FCRL5: variants seen among roughly 807,000 people sequenced by gnomAD.
FCRL5 encodes the protein Fc receptor like 5.
In FCRL5, 79 loss-of-function variants were observed where a neutral mutation model predicts 92.1. The observed-to-expected ratio is 0.86, with a 90% CI of 0.72 to 1.03. FCRL5 has a LOEUF of 1.03. Among genes scored for constraint, FCRL5 ranks in the 50% least tolerant of loss-of-function variants. FCRL5 has a pLI of 0.00. For missense variants in FCRL5, 1,160 were observed against 1,181.1 expected (o/e 0.98, Z 0.26); for synonymous variants, 466 against 469.3 (o/e 0.99, Z 0.09).
At position 157,521,271 on chromosome 1, in the gene FCRL5, A is replaced by G; in HGVS notation, c.2261T>C (p.Leu754Pro). The G allele has an allele frequency of 1.2e-6, 2 of 1,612,688 alleles. No homozygotes were observed. The highest frequency in any genetic ancestry group is 8.5e-7 in the Non-Finnish European group (1 of 1,179,506). ...KVAVPVSRPV[L>P]TLRAPGTHAA... ...ATGGGTCCCGGGAGCCCTGAGGGTG[A>G]GGACCGGGCGAGACACCGGAACTGA... The change falls in exon 11 of 17, where the codon CTC becomes CCC. Residue 754 changes from leucine (L) to proline (P), a missense_variant. Leu to Pro is a moderately conservative substitution (Grantham distance 98). Coordinates refer to ENST00000361835, the MANE Select transcript of FCRL5 (RefSeq NM_031281.3).
At chr1:157,551,817 C>T (rs767978375) in intron 1 of FCRL5, among the ~76,000 whole-genome samples, 23 of 152,248 alleles carry the variant, frequency 1.5e-4, no homozygotes, top group Non-Finnish European at 2.5e-4. Context: ...TGTCCACCTA[C>T]GCCTCTGCGA....
At position 157,516,234 on chromosome 1, in the gene FCRL5, G is replaced by T. The variant is rs186022256; in HGVS notation, c.2813-361C>A. On this transcript the variant is annotated intron_variant, in intron 15 of 16. Transcript: ENST00000361835. The stretch of plus-strand genomic sequence containing the variant: ...GTTTTAGAGAGCACACTCCATCAGG[G>T]TCTAGACCACCTGAAACTGAGCCTG... 4.6e-5 allele frequency among the ~76,000 whole-genome samples: 7 copies of T among 152,358 alleles called. No individual in the cohort carries two copies. The East Asian group carries it at 1.2e-3, about 25-fold the overall frequency.
Position 157,515,760 on chromosome 1 carries a change from G to A in FCRL5, c.2849C>T (p.Ser950Phe). ...CTTAACTTCAGAGTAGATGATAGGG[G>A]AACCCTAGGAGGCAAGAGCACATGC... is the stretch of plus-strand genomic sequence containing the variant. ...SDPRHLRNKGSPIIYSEVKVA... is the reference protein window; with the variant it reads ...SDPRHLRNKGFPIIYSEVKVA... Residue 950 changes from serine to phenylalanine, a missense_variant, in exon 17 of 17, where the codon TCC becomes TTC. By Grantham distance (155) the Ser-to-Phe change is radical. Transcript: ENST00000361835. The A allele has an allele frequency of 6.2e-7, 1 of 1,602,098 alleles. No individual in the cohort carries two copies. Among genetic ancestry groups the A allele is most frequent in the African/African-American group, 1.3e-5 (1 of 74,172 alleles).
intron 6 of FCRL5, chr1:157,542,104 G>A (rs1169130947): frequency 6.6e-6 from 1 of 152,224 alleles, no homozygotes; most frequent in East Asian, 1.9e-4. Flanking sequence ...CCGCTTCCAG[G>A]ACCAACCAAG....
chr1:157,546,920 G>T, intron 3 of FCRL5, 23 bp downstream of exon 3: 6 of 1,602,934 alleles, frequency 3.7e-6, no homozygotes, highest in East Asian at 2.2e-5. Context: ...TCTAAAGTTG[G>T]TGCGTCTTTC....
chr1:157,515,670 T>C lies in FCRL5; in HGVS notation c.*5A>G. 6.2e-7 allele frequency: 1 copy of C among 1,614,176 alleles called. No individual in the cohort carries two copies. The highest frequency in any genetic ancestry group is 8.5e-7 in the Non-Finnish European group (1 of 1,180,028). The stretch of plus-strand genomic sequence containing the variant: ...CTGAAACAGCAGTTGGAGAGACGTG[T>C]GGACTCATCTGTGAGGAGCTGAGGA... On this transcript the variant is annotated 3_prime_UTR_variant, in exon 17 of 17. Coordinates refer to ENST00000361835, the MANE Select transcript of FCRL5 (RefSeq NM_031281.3).
chr1:157,546,675 T>A (rs1651556141), intron 3 of FCRL5, among the ~76,000 whole-genome samples: 1 of 152,254 alleles, frequency 6.6e-6, no homozygotes, highest in Non-Finnish European at 1.5e-5. Flanking sequence ...CCAGGCTTTC[T>A]GACTCAAATC....
Position 157,524,301 on chromosome 1 carries a change from C to G in FCRL5, c.2217G>C (p.Glu739Asp). ...CACCTGCAACTTTCAGTGTCACCAT[C>G]TCACTGCGCTGGGCCTCCAGACCAT... ...ADNGLEAQRS[E>D]MVTLKVAVPV... Residue 739 changes from glutamate (E) to aspartate (D), a missense_variant, in exon 10 of 17, where the codon GAG (glutamate) becomes GAC (aspartate). By Grantham distance (45) the Glu-to-Asp change is conservative. Transcript: ENST00000361835. 1.2e-6 allele frequency: 2 copies of G among 1,614,280 alleles called. No individual in the cohort carries two copies. Among genetic ancestry groups the G allele is most frequent in the South Asian group, 2.2e-5 (2 of 91,082 alleles).
At chr1:157,550,492 C>T (rs1336026253) in intron 1 of FCRL5, among the ~76,000 whole-genome samples, 1 of 152,130 alleles carries the variant, frequency 6.6e-6, no homozygotes, top group African/African-American at 2.4e-5. Flanking sequence ...TCAACTGATG[C>T]TCAGATTATT....
chr1:157,540,022 C>T (rs1029905463), intron 6 of FCRL5, among the ~76,000 whole-genome samples: 1 of 152,188 alleles, frequency 6.6e-6, no homozygotes, highest in African/African-American at 2.4e-5. Flanking sequence ...TTAGCCATGG[C>T]AAAATATACT....
At chr1:157,546,516 G>A (rs1217517830) in intron 3 of FCRL5, among the ~76,000 whole-genome samples, 1 of 105,762 alleles carries the variant, frequency 9.5e-6, no homozygotes, top group Non-Finnish European at 2.3e-5. Context: ...GCTATACATA[G>A]ATTCAGGAAC....
chr1:157,547,318 G>T, intron 2 of FCRL5, 121 bp from the exon 3 acceptor site: 1 of 1,309,630 alleles, frequency 7.6e-7, no homozygotes, highest in South Asian at 1.2e-5. Flanking sequence ...CCTCTGGGAG[G>T]GTCACTGATA....
intron 10 of FCRL5, chr1:157,522,295 T>C (rs142348755): frequency 6.6e-6 from 1 of 152,356 alleles, no homozygotes; most frequent in Non-Finnish European, 1.5e-5. Context: ...TCTTTCAGAA[T>C]AACAAATTAC....
At chr1:157,542,670 C>A in intron 6 of FCRL5, 189 bp downstream of exon 6, 1 of 696,624 alleles carries the variant, frequency 1.4e-6, no homozygotes, top group Non-Finnish European at 2.4e-6. Context: ...TATAAGGGCA[C>A]CTAGACTGCA....
chr1:157,545,110 G>C (rs764400648), intron 3 of FCRL5, 28 bp from the exon 4 acceptor site: 1 of 1,600,970 alleles, frequency 6.2e-7, no homozygotes, highest in Non-Finnish European at 8.5e-7. Context: ...GAGTTATTTG[G>C]TTCATCCTAC....
chr1:157,529,595 ATGTG>A (rs35434812), intron 8 of FCRL5, among the ~76,000 whole-genome samples: 58 of 138,938 alleles, frequency 4.2e-4, no homozygotes, highest in African/African-American at 6.2e-4. Context: ...ATACATACGC[ATGTG>A]TGTGTGTGTG....
In FCRL5 at chr1:157,513,835, A is replaced by G. The variant is rs1228884928; in HGVS notation, c.*1840T>C. The G allele has an allele frequency of 6.6e-6, 1 of 152,146 alleles. No individual in the cohort carries two copies. Among genetic ancestry groups the G allele is most frequent in the Non-Finnish European group, 1.5e-5 (1 of 68,038 alleles). The allele number at this position is 152,146 out of a possible 1,614,324, so 9.4% of individuals were successfully genotyped here. On this transcript the variant is annotated 3_prime_UTR_variant, in exon 17 of 17. Transcript: ENST00000361835. ...GATGTGACCTCCAGAACAGACTGTG[A>G]GCAGATTTTTTTCTTTAATCCTGAG...
rs769051683 is a variant in FCRL5 at position 157,534,895 on chromosome 1, G to A, written c.1403-3C>T. On this transcript the variant is annotated splice_polypyrimidine_tract_variant and splice_region_variant and intron_variant, in intron 7 of 16. Transcript: ENST00000361835. ...GAGGACAGGATGAGACACAGGGACT[G>A]AGGAAGAGAAAGATTGAATCAAGAG... 21 of 1,521,550 alleles carry A rather than the reference G, an allele frequency of 1.4e-5. No homozygotes were observed. The highest frequency in any genetic ancestry group is 1.8e-5 in the Non-Finnish European group (20 of 1,137,674). 94.3% of individuals were successfully genotyped at this position (1,521,550 alleles called of 1,614,324 possible).
intron 2 of FCRL5, chr1:157,547,521 A>G (rs1262786374): frequency 1.6e-5 from 7 of 437,554 alleles, no homozygotes; most frequent in Non-Finnish European, 3.0e-5. Context: ...CATCATGTTC[A>G]TACACTCATA....
Sources: allele counts gnomAD v4.1 joint callset (sites outside exome capture counted in the v4.1 genomes callset), GRCh38; gene constraint gnomAD v4.1.1; transcripts MANE v1.5; gene names NCBI Gene and HGNC (gene_info 2026-07-23, HGNC 2026-07-21).